The following OR11A1 variants were observed in gnomAD, a reference collection of about 807,000 sequenced individuals.
OR11A1 encodes olfactory receptor family 11 subfamily A member 1, also known as olfactory receptor 11A1.
For missense variants in OR11A1, 380 were observed against 378.2 expected, an observed-to-expected ratio of 1.00 and a Z score of -0.04; for synonymous variants, 158 against 152.2, an observed-to-expected ratio of 1.04 and a Z score of -0.28.
rs185651100 is a variant in OR11A1 at position 29,442,684 on chromosome 6, C to G, written c.-388-10697G>C. ...AGGTGTTACTCCCTGTCCCCACCCC[C>G]CAAAAGGGGTTGTGTGGCCTTCCTC... On this transcript the variant is annotated intron_variant, in intron 1 of 4. Transcript: ENST00000377149. Among the ~76,000 whole-genome samples the G allele has an allele frequency of 8.0e-3, 1,222 of 152,338 alleles. 14 individuals are homozygous for G. The highest frequency in any genetic ancestry group is 0.025 in the East Asian group (131 of 5,188).
At chr6:29,455,264 A>T (rs1320331670) in intron 1 of OR11A1, among the ~76,000 whole-genome samples, 1 of 152,204 alleles carries the variant, frequency 6.6e-6, no homozygotes, top group African/African-American at 2.4e-5. Context: ...CATTTATTTG[A>T]CAAAGGACTT....
At chr6:29,428,756 C>CAAAAAA (rs11424255) in intron 4 of OR11A1, among the ~76,000 whole-genome samples, 157 bp downstream of exon 4, 8 of 47,886 alleles carry the variant, frequency 1.7e-4, no homozygotes, top group African/African-American at 3.5e-4. Context: ...AACTCCATCT[C>CAAAAAA]AAAAAAAAAA....
intron 1 of OR11A1, among the ~76,000 whole-genome samples, chr6:29,441,565 G>A (rs551438366): frequency 6.6e-6 from 1 of 152,254 alleles, no homozygotes; most frequent in African/African-American, 2.4e-5. Context: ...AGTGATCACA[G>A]GTGAATGATA....
chr6:29,442,686 A>G (rs905149768), intron 1 of OR11A1, among the ~76,000 whole-genome samples: 2 of 152,216 alleles, frequency 1.3e-5, no homozygotes, highest in Admixed American at 1.3e-4. Context: ...CCCACCCCCC[A>G]AAAGGGGTTG....
intron 1 of OR11A1, among the ~76,000 whole-genome samples, chr6:29,455,771 G>A (rs1317870645): frequency 2.0e-5 from 3 of 151,218 alleles, no homozygotes; most frequent in African/African-American, 7.3e-5. Flanking sequence ...AGCTACTTGG[G>A]AGGCTGGGGC....
rs551617479 is a variant in OR11A1 at position 29,453,788 on chromosome 6, A to C, written c.-389+3199T>G. On this transcript the variant is annotated intron_variant, in intron 1 of 4. Transcript: ENST00000377149. The surrounding 1 kb of genome is among the most constrained non-coding windows in gnomAD (Gnocchi z 4.5). Reference sequence around the variant, plus strand: ...AACATGAGAGAAACCAGCATGAAGTAAAATCCAAGACAAACTTAAAAGCTC... The same window carrying C: ...AACATGAGAGAAACCAGCATGAAGTCAAATCCAAGACAAACTTAAAAGCTC... Among the ~76,000 whole-genome samples the C allele has an allele frequency of 6.6e-6, 1 of 152,346 alleles. No individual in the cohort carries two copies. The highest frequency in any genetic ancestry group is 1.9e-4 in the East Asian group (1 of 5,192).
Position 29,440,065 on chromosome 6 carries a change from C to T in OR11A1, c.-388-8078G>A, listed in dbSNP as rs757561677. 9.3e-6 allele frequency: 15 copies of T among 1,613,180 alleles called. No homozygotes were observed. In the Middle Eastern group the frequency reaches 4.9e-4, roughly 53 times the overall value. On this transcript the variant is annotated intron_variant, in intron 1 of 4. Transcript: ENST00000377149. ...ACTGAGTTTCTTCTTCTCGGCTTCT[C>T]CCACCTGGCCGACCTCCAGGGCTTG...
Position 29,431,991 on chromosome 6 carries a change from A to G in OR11A1, c.-388-4T>C. ...TCCCTCCCTGCTTGAGCTCAACCTGAAGTAACGTAGAACATTGATTACAAA... is the reference window on the plus strand; with the variant it reads ...TCCCTCCCTGCTTGAGCTCAACCTGGAGTAACGTAGAACATTGATTACAAA... On this transcript the variant is annotated splice_polypyrimidine_tract_variant and splice_region_variant and intron_variant, in intron 1 of 4. Transcript: ENST00000377149. 1.0e-6 allele frequency: 1 copy of G among 985,366 alleles called. No homozygotes were observed. The allele number at this position is 985,366 out of a possible 1,614,324, so 61.0% of individuals were successfully genotyped here.
intron 1 of OR11A1, among the ~76,000 whole-genome samples, chr6:29,444,900 AC>A (rs1248585944): frequency 6.6e-6 from 1 of 151,494 alleles, no homozygotes; most frequent in Non-Finnish European, 1.5e-5. Flanking sequence ...CCTCCTACCA[AC>A]CTTTCTCCCT....
At chr6:29,437,582 A>G (rs974534289) in intron 1 of OR11A1, among the ~76,000 whole-genome samples, 5 of 151,234 alleles carry the variant, frequency 3.3e-5, no homozygotes, top group Non-Finnish European at 5.9e-5. Context: ...GTCTTCTTCA[A>G]TCTGGAACGA....
chr6:29,443,895 T>C (rs1228113887), intron 1 of OR11A1, among the ~76,000 whole-genome samples: 2 of 152,020 alleles, frequency 1.3e-5, no homozygotes, highest in African/African-American at 4.8e-5. Context: ...GTCTCTCTCA[T>C]CCTTATTTTC....
In OR11A1 at chr6:29,427,145, TGGGCCACCA is replaced by T; in HGVS notation, c.488_496del (p.Leu163_Ala165del). On this transcript the variant is annotated inframe_deletion, in exon 5 of 5. Coordinates refer to ENST00000377149, the MANE Select transcript of OR11A1 (RefSeq NM_001394828.1). ...GTGGTTGGGGCCACAGAACCTCAGC[TGGGCCACCA>T]GGGCCACAACCAGTCCATCTACCAC... 6.2e-7 allele frequency: 1 copy of T among 1,613,052 alleles called. No homozygotes were observed. Among genetic ancestry groups the T allele is most frequent in the South Asian group, 1.1e-5 (1 of 91,086 alleles).
chr6:29,426,754 C>T lies in OR11A1; in HGVS notation c.888G>A (p.Lys296=). The change falls in exon 5 of 5, where the codon AAG becomes AAA. Residue 296 remains lysine, a synonymous_variant. Coordinates refer to ENST00000377149, the MANE Select transcript of OR11A1 (RefSeq NM_001394828.1). Reference sequence around the variant, plus strand: ...TCTTCCGAAGTGCCTGATGCACCTCCTTGTTCCTCATGGTATAGATCACAG... The same window carrying T: ...TCTTCCGAAGTGCCTGATGCACCTCTTTGTTCCTCATGGTATAGATCACAG... ...FNPVIYTMRN[K]EVHQALRKIL... The T allele has an allele frequency of 1.2e-6, 2 of 1,613,050 alleles. No individual in the cohort carries two copies. The highest frequency in any genetic ancestry group is 1.7e-6 in the Non-Finnish European group (2 of 1,180,008).
intron 1 of OR11A1, among the ~76,000 whole-genome samples, chr6:29,436,342 A>G (rs1783624881): frequency 6.6e-6 from 1 of 152,190 alleles, no homozygotes; most frequent in South Asian, 2.1e-4. Flanking sequence ...CCCCAAATGT[A>G]GCGCTGAAGT....
chr6:29,428,867 A>T, intron 4 of OR11A1, 46 bp downstream of exon 4: 1 of 735,878 alleles, frequency 1.4e-6, no homozygotes, highest in Non-Finnish European at 1.7e-6. Flanking sequence ...AAAGAGTTGT[A>T]ATTGAGCATG....
At chr6:29,432,421 A>G (rs1392116838) in intron 1 of OR11A1, among the ~76,000 whole-genome samples, 2 of 151,962 alleles carry the variant, frequency 1.3e-5, no homozygotes, top group Non-Finnish European at 2.9e-5. Flanking sequence ...TCTCTGCAAC[A>G]TCCCTAAATT....
At chr6:29,441,320 G>A (rs972609894) in intron 1 of OR11A1, among the ~76,000 whole-genome samples, 1 of 152,124 alleles carries the variant, frequency 6.6e-6, no homozygotes, top group Non-Finnish European at 1.5e-5. Flanking sequence ...TACGTCCTAG[G>A]TAAGGCATTT....
At chr6:29,440,754 G>A (rs1582574278) in intron 1 of OR11A1, 1 of 1,613,918 alleles carries the variant, frequency 6.2e-7, no homozygotes, top group African/African-American at 1.3e-5. Context: ...CCTGATCATG[G>A]TCTCCCTCTT....
Position 29,427,420 on chromosome 6 carries a change from G to C in OR11A1, c.222C>G (p.Leu74=), listed in dbSNP as rs751290592. 11 of 1,613,026 alleles carry C rather than the reference G, an allele frequency of 6.8e-6. No individual in the cohort carries two copies. The highest frequency in any genetic ancestry group is 9.3e-6 in the Non-Finnish European group (11 of 1,180,046). ...FLANLSFLDI[L]YTSAVMPKML... is the part of the protein sequence containing the mutation. Reference sequence around the variant, plus strand: ...TTTTTGGCATCACTGCGGAGGTGTAGAGAATATCCAGGAAGGACAGATTCG... The same window carrying C: ...TTTTTGGCATCACTGCGGAGGTGTACAGAATATCCAGGAAGGACAGATTCG... The change falls in exon 5 of 5, where the codon CTC becomes CTG. Residue 74 remains leucine, a synonymous_variant. Transcript: ENST00000377149.
Sources: allele counts gnomAD v4.1 joint callset (sites outside exome capture counted in the v4.1 genomes callset), GRCh38; gene constraint gnomAD v4.1.1; non-coding constraint Gnocchi (gnomAD v3.1); transcripts MANE v1.5; gene names NCBI Gene and HGNC (gene_info 2026-07-23, HGNC 2026-07-21).